Variants in LCT observed in about 807,000 individuals in gnomAD.
The protein encoded by LCT is lactase/phlorizin hydrolase.
A neutral mutation model predicts 173.0 loss-of-function variants in LCT; 90 were observed. The observed-to-expected ratio is 0.52, with a 90% CI of 0.44 to 0.62. The LOEUF (loss-of-function observed/expected upper bound fraction) is 0.62, where lower values mean the gene tolerates loss of function less well. Among genes scored for constraint, LCT ranks in the 20% least tolerant of loss-of-function variants. LCT has a pLI of 0.00. For missense variants in LCT, 1,864 were observed against 2,431.4 expected (o/e 0.77, Z 4.91); for synonymous variants, 853 against 957.6 (o/e 0.89, Z 2.02).
Position 135,809,006 on chromosome 2 carries a change from T to C in LCT, c.3341A>G (p.Gln1114Arg), listed in dbSNP as rs148838160. Reference protein sequence around the residue: ...VYHTYDEKYRQEQKGVISLSL... With the variant: ...VYHTYDEKYRREQKGVISLSL... ...CAGCGAGATGACCCCCTTCTGCTCC[T>C]GCCTGTATTTCTCATCGTACGTGTG... is the stretch of plus-strand genomic sequence containing the variant. Residue 1114 changes from glutamine to arginine, a missense_variant, in exon 8 of 17, where the codon CAG becomes CGG. Around this residue, in one of 4 missense-constraint regions of LCT, gnomAD observed 755 missense variants for 926.3 expected, o/e 0.82. Transcript: ENST00000264162. This position sits in a 1 kb window ranked among gnomAD's most constrained non-coding sequence, Gnocchi z 5.5. The C allele has an allele frequency of 9.6e-4, 1,549 of 1,611,526 alleles. 2 individuals are homozygous for C. The highest frequency in any genetic ancestry group is 1.7e-3 in the Admixed American group (102 of 59,914).
At chr2:135,794,870 C>T in intron 13 of LCT, 95 bp from the exon 14 acceptor site, 1 of 1,431,768 alleles carries the variant, frequency 7.0e-7, no homozygotes, top group Non-Finnish European at 9.8e-7. Flanking sequence ...CTCTCCGAAC[C>T]CCAGGCACTT....
At chr2:135,798,218 C>T (rs1017685785) in intron 12 of LCT, 80 bp from the exon 13 acceptor site, 52 of 813,180 alleles carry the variant, frequency 6.4e-5, no homozygotes, top group Non-Finnish European at 7.7e-5. Context: ...CTCAGAAGTG[C>T]CTGGCCTCAC....
At chr2:135,821,695 G>T (rs962313604) in intron 5 of LCT, 1 of 349,564 alleles carries the variant, frequency 2.9e-6, no homozygotes, top group East Asian at 6.6e-5. Flanking sequence ...TCACCATGTT[G>T]CCCAGCCCAG....
intron 11 of LCT, 42 bp downstream of exon 11, chr2:135,803,888 T>C (rs1190158173): frequency 6.4e-7 from 1 of 1,556,350 alleles, no homozygotes; most frequent in African/African-American, 1.3e-5. Flanking sequence ...GTGCTAAGAA[T>C]GCCATGATTC....
rs12988076 is a variant in LCT, at chr2:135,812,278, C to A, written c.2353+33G>T. The A allele has an allele frequency of 0.67, 1,059,560 of 1,578,738 alleles. 384,401 individuals carry two copies. Among genetic ancestry groups the A allele is most frequent in the Non-Finnish European group, 0.76 (868,273 of 1,148,294 alleles). ...TGAAGACTTGGAGAAGTACCACCCA[C>A]CTTCCAATCACTGGCACATCCATTG... is the stretch of plus-strand genomic sequence containing the variant. On this transcript the variant is annotated intron_variant, in intron 7 of 16. Transcript: ENST00000264162.
intron 11 of LCT, 117 bp from the exon 12 acceptor site, chr2:135,800,926 C>T: frequency 1.2e-6 from 1 of 800,756 alleles, no homozygotes; most frequent in Non-Finnish European, 2.1e-6. Flanking sequence ...TAGATTCTGA[C>T]ACTAGGAAAA....
At chr2:135,802,393 C>T (rs561113318) in intron 11 of LCT, among the ~76,000 whole-genome samples, 1 of 152,272 alleles carries the variant, frequency 6.6e-6, no homozygotes, top group South Asian at 2.1e-4. Context: ...AGTCAGAATA[C>T]CAAATCAATA....
At chr2:135,792,526 G>A (rs535731297) in intron 14 of LCT, among the ~76,000 whole-genome samples, 1 of 152,328 alleles carries the variant, frequency 6.6e-6, no homozygotes, top group African/African-American at 2.4e-5. Context: ...CCTGGGGTGA[G>A]ATCTCTGCCC....
Position 135,788,335 on chromosome 2 carries a change from A to T in LCT, c.5773T>A (p.Ser1925Thr). The T allele has an allele frequency of 6.2e-7, 1 of 1,612,674 alleles. No individual in the cohort carries two copies. Among genetic ancestry groups the T allele is most frequent in the Non-Finnish European group, 8.5e-7 (1 of 1,178,988 alleles). The change falls in exon 17 of 17, where the codon TCT becomes ACT. Residue 1925 changes from serine (S) to threonine (T), a missense_variant. Coordinates refer to ENST00000264162, the MANE Select transcript of LCT (RefSeq NM_002299.4). ...GAGGTGGTAACTCATCAGAATGAAG[A>T]CACCGGGCTCAATTCCTGTTGGCTT... The part of the protein sequence containing the change: ...QRSQQELSPV[S>T]SF
chr2:135,823,513 G>T (rs1431586621), intron 4 of LCT, among the ~76,000 whole-genome samples: 6 of 152,214 alleles, frequency 3.9e-5, no homozygotes, highest in African/African-American at 1.4e-4. Context: ...TGGAACAAGG[G>T]TAAGTGGAGA....
chr2:135,834,113 C>G (rs1475606961), intron 1 of LCT, among the ~76,000 whole-genome samples: 1 of 151,954 alleles, frequency 6.6e-6, no homozygotes, highest in Non-Finnish European at 1.5e-5. Flanking sequence ...TTTATCCATT[C>G]ATCCATCAGT....
chr2:135,822,137 C>T, intron 4 of LCT, 39 bp from the exon 5 acceptor site: 1 of 1,141,820 alleles, frequency 8.8e-7, no homozygotes, highest in Non-Finnish European at 1.3e-6. Context: ...ATGTAAATGC[C>T]AACTAAGAAC....
At chr2:135,819,225 C>T (rs1273283471) in intron 5 of LCT, among the ~76,000 whole-genome samples, 1 of 152,192 alleles carries the variant, frequency 6.6e-6, no homozygotes, top group Non-Finnish European at 1.5e-5. Context: ...AAAGTGCATG[C>T]TGCATTTATA....
intron 5 of LCT, chr2:135,820,356 C>T (rs1052017571): frequency 1.3e-5 from 2 of 152,148 alleles, no homozygotes; most frequent in Non-Finnish European, 2.9e-5. Context: ...CTTGAGTTTT[C>T]TTTTGTGAAG....
At position 135,824,002 on chromosome 2, in the gene LCT, G is replaced by T. The variant is rs1431915295; in HGVS notation, c.806C>A (p.Thr269Asn). The T allele has an allele frequency of 6.2e-7, 1 of 1,605,942 alleles. No individual in the cohort carries two copies. The highest frequency in any genetic ancestry group is 1.7e-5 in the Admixed American group (1 of 60,002). Residue 269 changes from threonine (T) to asparagine (N), a missense_variant and splice_region_variant, in exon 4 of 17, where the codon ACC becomes AAC. Physicochemically the swap from Thr to Asn is moderately conservative, Grantham distance 65. Transcript: ENST00000264162. ...SLRQKLSKLQ[T>N]IEPKVKVFIF... The stretch of plus-strand genomic sequence containing the variant: ...GAAAACTTTCACTTTTGGCTCAATG[G>T]TCTGAAAAAGAGAAGGACCAGCAAG...
intron 5 of LCT, chr2:135,821,749 C>A (rs2077833498): frequency 4.4e-6 from 2 of 456,212 alleles, no homozygotes; most frequent in Non-Finnish European, 8.0e-6. Flanking sequence ...CTTTGCCTAC[C>A]AGAGTGCTGG....
In LCT at chr2:135,824,922, G is replaced by A. The variant is rs190655136; in HGVS notation, c.805-919C>T. On this transcript the variant is annotated intron_variant, in intron 3 of 16. Transcript: ENST00000264162. Reference sequence around the variant, plus strand: ...GGAGGCTGAGACAGGAGAATCGCTCGAACTCAAGAGGCAGAGGTTGCAGTG... The same window carrying A: ...GGAGGCTGAGACAGGAGAATCGCTCAAACTCAAGAGGCAGAGGTTGCAGTG... Among the ~76,000 whole-genome samples the A allele has an allele frequency of 5.4e-4, 80 of 148,282 alleles. 1 individual carries two copies. The highest frequency in any genetic ancestry group is 1.5e-3 in the Admixed American group (22 of 14,602).
chr2:135,807,106 C>T (rs1180057649), intron 9 of LCT, 22 bp downstream of exon 9: 1 of 1,613,694 alleles, frequency 6.2e-7, no homozygotes, highest in South Asian at 1.1e-5. Flanking sequence ...TCACTGGTGT[C>T]CCACCATCCT....
chr2:135,789,165 G>T (rs2077515096), intron 16 of LCT, among the ~76,000 whole-genome samples: 1 of 152,224 alleles, frequency 6.6e-6, no homozygotes, highest in South Asian at 2.1e-4. Flanking sequence ...TTACATTTGT[G>T]TAGTGATTTA....
Sources: gnomAD v4.1 joint callset for allele counts (sites outside exome capture counted in the v4.1 genomes callset) on GRCh38, gnomAD v4.1.1 for gene constraint, gnomAD v4.1.1 regional missense constraint, Gnocchi (gnomAD v3.1) non-coding constraint, MANE v1.5 for transcripts, NCBI Gene and HGNC (gene_info 2026-07-23, HGNC 2026-07-21) for gene names.